Variants in CDH9 observed in about 807,000 individuals in gnomAD.
CDH9 encodes cadherin-9.
Under a neutral mutation model 70.9 loss-of-function variants are expected in CDH9, and 28 were observed. That is an observed-to-expected ratio of 0.40 (90% CI 0.29 to 0.54). CDH9 has a LOEUF of 0.54. Ranked by LOEUF, CDH9 falls within the 20% of genes least tolerant of loss-of-function variation. The pLI is 0.59. For synonymous variants in CDH9, 409 were observed against 343.1 expected (o/e 1.19, Z -2.12); for missense variants, 874 against 984.4 (o/e 0.89, Z 1.50).
intron 2 of CDH9, among the ~76,000 whole-genome samples, chr5:26,961,777 CGT>C (rs1489525071): frequency 4.6e-5 from 7 of 152,140 alleles, no homozygotes; most frequent in African/African-American, 1.7e-4. Context: ...CATGCAGTTT[CGT>C]CACCACCCAT....
chr5:26,951,291 C>CAAAAAAAA lies in CDH9; in HGVS notation c.229-35375_229-35368dup, dbSNP rs796799417. 4.6e-5 allele frequency among the ~76,000 whole-genome samples: 4 copies of CAAAAAAAA among 86,196 alleles called. 2 individuals are homozygous for CAAAAAAAA. The highest frequency in any genetic ancestry group is 4.1e-5 in the Non-Finnish European group (2 of 48,884). 56.5% of individuals were successfully genotyped at this position (86,196 alleles called of 152,430 possible). A position where few individuals can be genotyped will look rare whatever the true frequency, so the allele number is the denominator to read the frequency against. Reference sequence around the variant, plus strand: ...TGGGTGACAGAGCAAGACTCTGTCTCAAAAAAAAAAAAAAAAAAAAAAAAA... The same window carrying CAAAAAAAA: ...TGGGTGACAGAGCAAGACTCTGTCTCAAAAAAAAAAAAAAAAAAAAAAAAAAAAAAAAA... On this transcript the variant is annotated intron_variant, in intron 2 of 11. Coordinates refer to ENST00000231021, the MANE Select transcript of CDH9 (RefSeq NM_016279.4).
chr5:27,032,391 AGTT>A, intron 1 of CDH9, among the ~76,000 whole-genome samples: 1 of 151,776 alleles, frequency 6.6e-6, no homozygotes, highest in Non-Finnish European at 1.5e-5. Flanking sequence ...TTATTATAAT[AGTT>A]AATTATTTAA....
At chr5:26,979,837 T>G (rs1742369266) in intron 2 of CDH9, among the ~76,000 whole-genome samples, 1 of 151,616 alleles carries the variant, frequency 6.6e-6, no homozygotes, top group East Asian at 1.9e-4. Flanking sequence ...ATCAGAAATA[T>G]AAAGAAAGAT....
intron 1 of CDH9, among the ~76,000 whole-genome samples, chr5:27,037,032 T>C (rs547438807): frequency 2.0e-5 from 3 of 152,126 alleles, no homozygotes; most frequent in East Asian, 3.9e-4. Context: ...ACACATTGCC[T>C]AGGCAATGAT....
intron 1 of CDH9, among the ~76,000 whole-genome samples, chr5:27,027,524 T>C (rs1455605401): frequency 6.6e-6 from 1 of 152,042 alleles, no homozygotes; most frequent in Non-Finnish European, 1.5e-5. Flanking sequence ...TTACTGCTAA[T>C]ATCTTAGTTT....
At chr5:27,010,881 T>C (rs918482008) in intron 1 of CDH9, among the ~76,000 whole-genome samples, 2 of 152,154 alleles carry the variant, frequency 1.3e-5, no homozygotes, top group African/African-American at 4.8e-5. Context: ...TTCTTGTTTA[T>C]GCTATATGAC....
intron 1 of CDH9, among the ~76,000 whole-genome samples, chr5:27,022,684 C>T (rs1393417783): frequency 6.6e-6 from 1 of 152,100 alleles, no homozygotes; most frequent in Non-Finnish European, 1.5e-5. Context: ...ACAGGGTAAA[C>T]GAATACATTT....
In CDH9 at chr5:26,967,859, A is replaced by G. The variant is rs1177847161; in HGVS notation, c.228+20247T>C. Among the ~76,000 whole-genome samples, 9 of 151,980 alleles carry G rather than the reference A, an allele frequency of 5.9e-5. No individual in the cohort carries two copies. In the East Asian group the frequency reaches 1.6e-3, roughly 26 times the overall value. The stretch of plus-strand genomic sequence containing the variant: ...GGGACTACAGATGTCAGGTGCCACT[A>G]TGTCTGGCTAACTTTTTCTTTTTTA... On this transcript the variant is annotated intron_variant, in intron 2 of 11. Coordinates refer to ENST00000231021, the MANE Select transcript of CDH9 (RefSeq NM_016279.4).
At chr5:26,888,015 T>A (rs908407726) in intron 9 of CDH9, among the ~76,000 whole-genome samples, 2 of 152,162 alleles carry the variant, frequency 1.3e-5, no homozygotes, top group African/African-American at 4.8e-5. Context: ...TTTAAGTCAT[T>A]CTGTTTGTGG....
intron 7 of CDH9, among the ~76,000 whole-genome samples, chr5:26,893,100 A>G (rs916414302): frequency 6.6e-6 from 1 of 152,134 alleles, no homozygotes; most frequent in Admixed American, 6.6e-5. Flanking sequence ...CTTTTGTTTG[A>G]ATTGTTTATT....
intron 2 of CDH9, among the ~76,000 whole-genome samples, chr5:26,934,510 C>A (rs1315037205): frequency 1.3e-5 from 2 of 152,070 alleles, no homozygotes; most frequent in African/African-American, 4.8e-5. Flanking sequence ...GGGAGAATAG[C>A]ACCAAGTCAT....
At chr5:26,908,324 C>T (rs1379625196) in intron 3 of CDH9, among the ~76,000 whole-genome samples, 1 of 89,248 alleles carries the variant, frequency 1.1e-5, no homozygotes, top group African/African-American at 4.7e-5. Context: ...TTATGATGTG[C>T]AGAAGTTCAA....
intron 7 of CDH9, among the ~76,000 whole-genome samples, chr5:26,892,762 A>C (rs1436503596): frequency 6.6e-6 from 1 of 151,592 alleles, no homozygotes; most frequent in Non-Finnish European, 1.5e-5. Flanking sequence ...ACTGAGTCTC[A>C]CTCTCTCGCC....
intron 1 of CDH9, among the ~76,000 whole-genome samples, chr5:27,003,462 T>G (rs113516540): frequency 4.0e-4 from 61 of 152,130 alleles, no homozygotes; most frequent in African/African-American, 1.5e-3. Flanking sequence ...AACTTTCCAG[T>G]GGAGAAATCT....
At chr5:27,016,956 T>C (rs1579514978) in intron 1 of CDH9, among the ~76,000 whole-genome samples, 1 of 152,044 alleles carries the variant, frequency 6.6e-6, no homozygotes, top group Admixed American at 6.6e-5. Flanking sequence ...ATTTTTAAAT[T>C]ATTTCTTTGT....
chr5:26,890,316 G>A (rs1740635007), intron 8 of CDH9, 112 bp downstream of exon 8: 1 of 805,708 alleles, frequency 1.2e-6, no homozygotes, highest in Admixed American at 2.3e-5. Context: ...ATTTCTCTAA[G>A]ATCTTGCTAA....
intron 2 of CDH9, among the ~76,000 whole-genome samples, chr5:26,984,238 A>T (rs1427276938): frequency 3.3e-5 from 5 of 152,170 alleles, no homozygotes; most frequent in Non-Finnish European, 7.4e-5. Flanking sequence ...AATAGTGGCT[A>T]CCTATAGATG....
intron 2 of CDH9, among the ~76,000 whole-genome samples, chr5:26,924,513 G>C (rs1741301451): frequency 6.8e-6 from 1 of 147,930 alleles, no homozygotes; most frequent in East Asian, 2.2e-4. Flanking sequence ...AAAAATAGAG[G>C]AGGAAATATA....
At chr5:26,917,843 T>C (rs1337713545) in intron 2 of CDH9, among the ~76,000 whole-genome samples, 1 of 152,104 alleles carries the variant, frequency 6.6e-6, no homozygotes, top group African/African-American at 2.4e-5. Flanking sequence ...TGTAGTCTTA[T>C]TACAATCTAG....
Sources: allele counts gnomAD v4.1 joint callset (sites outside exome capture counted in the v4.1 genomes callset), GRCh38; gene constraint gnomAD v4.1.1; transcripts MANE v1.5; gene names NCBI Gene and HGNC (gene_info 2026-07-23, HGNC 2026-07-21).